The following DYNC2H1 variants were observed in gnomAD, a reference collection of about 807,000 sequenced individuals.
DYNC2H1 encodes cytoplasmic dynein 2 heavy chain 1.
DYNC2H1 carries 410 observed loss-of-function variants against 570.0 expected under a neutral mutation model. That is an observed-to-expected ratio of 0.72 (90% CI 0.66 to 0.78). The LOEUF is 0.78. DYNC2H1 is among the 30% of genes least tolerant of loss of function. DYNC2H1 has a pLI of 0.00. For missense variants in DYNC2H1, 4,865 were observed against 5,046.4 expected, an observed-to-expected ratio of 0.96 and a Z score of 1.09; for synonymous variants, 1,688 against 1,677.6, an observed-to-expected ratio of 1.01 and a Z score of -0.15.
intron 87 of DYNC2H1, among the ~76,000 whole-genome samples, chr11:103,466,964 A>G (rs1193132706): frequency 1.3e-5 from 2 of 152,182 alleles, no homozygotes; most frequent in Non-Finnish European, 2.9e-5. Flanking sequence ...TAATAATGGT[A>G]AACAGTTGGA....
chr11:103,368,543 AC>A (rs543286061), intron 83 of DYNC2H1, among the ~76,000 whole-genome samples: 122 of 151,652 alleles, frequency 8.0e-4, no homozygotes, highest in African/African-American at 2.9e-3. Context: ...CTGTAGGTTA[AC>A]TCTTCACTCT....
At chr11:103,248,206 G>A (rs139988032) in intron 65 of DYNC2H1, among the ~76,000 whole-genome samples, 1 of 152,038 alleles carries the variant, frequency 6.6e-6, no homozygotes. Flanking sequence ...TTTTAGATTT[G>A]CCTTTAATTA....
Position 103,177,329 on chromosome 11 carries a change from C to A in DYNC2H1, c.5875-227C>A, listed in dbSNP as rs1445822080. Among the ~76,000 whole-genome samples, 4 of 151,850 alleles carry A rather than the reference C, an allele frequency of 2.6e-5. No homozygotes were observed. The highest frequency in any genetic ancestry group is 5.9e-5 in the Non-Finnish European group (4 of 67,980). On this transcript the variant is annotated intron_variant, in intron 37 of 88. Coordinates refer to ENST00000375735, the MANE Select transcript of DYNC2H1 (RefSeq NM_001377.3). This position sits in a 1 kb window ranked among gnomAD's most constrained non-coding sequence, Gnocchi z 4.4. ...CATACAAGTTTTTTGAACTTGGAAA[C>A]CTGGAAAGCACCTTTGTTTCTTTTA...
At position 103,203,644 on chromosome 11, in the gene DYNC2H1, G is replaced by A. The variant is rs763893240; in HGVS notation, c.8198-19G>A. The stretch of plus-strand genomic sequence containing the variant: ...TCATTTATTAAAATGTTTTCAATTA[G>A]TCTAATATTTTTCTGTAGGTGAAGT... On this transcript the variant is annotated intron_variant, in intron 50 of 88. Transcript: ENST00000375735. The surrounding 1 kb of genome is among the most constrained non-coding windows in gnomAD (Gnocchi z 4.7). The A allele has an allele frequency of 2.7e-6, 4 of 1,467,838 alleles. No individual in the cohort carries two copies. Among genetic ancestry groups the A allele is most frequent in the South Asian group, 1.2e-5 (1 of 80,786 alleles). 90.9% of individuals were successfully genotyped at this position (1,467,838 alleles called of 1,614,324 possible).
intron 83 of DYNC2H1, among the ~76,000 whole-genome samples, chr11:103,390,482 A>G (rs1049886668): frequency 6.6e-6 from 1 of 152,116 alleles, no homozygotes; most frequent in Non-Finnish European, 1.5e-5. Flanking sequence ...TAATTGGAGC[A>G]TTTAGCCCAT....
At position 103,199,555 on chromosome 11, in the gene DYNC2H1, A is replaced by C. The variant is rs185750353; in HGVS notation, c.8088+79A>C. 1.5e-4 allele frequency: 194 copies of C among 1,318,036 alleles called. No homozygotes were observed. The Admixed American group carries it at 1.8e-3, about 12-fold the overall frequency. 81.6% of individuals were successfully genotyped at this position (1,318,036 alleles called of 1,614,324 possible). On this transcript the variant is annotated intron_variant, in intron 49 of 88. Coordinates refer to ENST00000375735, the MANE Select transcript of DYNC2H1 (RefSeq NM_001377.3). This position sits in a 1 kb window ranked among gnomAD's most constrained non-coding sequence, Gnocchi z 4.6. The stretch of plus-strand genomic sequence containing the variant: ...ACTCTAAACATCTTTAAAGACCTAA[A>C]GGTTTAAAGAACTAAAGTTTTAAAG...
intron 55 of DYNC2H1, among the ~76,000 whole-genome samples, chr11:103,217,955 A>C (rs1200725337): frequency 6.6e-6 from 1 of 152,212 alleles, no homozygotes; most frequent in African/African-American, 2.4e-5. Context: ...CAGTAAACAC[A>C]TGAAAATATG....
chr11:103,373,763 C>G (rs1476068857), intron 83 of DYNC2H1, among the ~76,000 whole-genome samples: 1 of 152,082 alleles, frequency 6.6e-6, no homozygotes, highest in Non-Finnish European at 1.5e-5. Flanking sequence ...GATGATCTGT[C>G]CATTGTTGAA....
At chr11:103,202,669 G>A (rs1366617318) in intron 50 of DYNC2H1, among the ~76,000 whole-genome samples, 2 of 152,040 alleles carry the variant, frequency 1.3e-5, no homozygotes, top group African/African-American at 4.8e-5. Context: ...AAGAAAAGTA[G>A]GGATCAGACT....
intron 85 of DYNC2H1, among the ~76,000 whole-genome samples, chr11:103,438,410 G>A (rs1367621881): frequency 1.3e-5 from 2 of 152,082 alleles, no homozygotes; most frequent in Non-Finnish European, 2.9e-5. Context: ...ACAAAGGATG[G>A]GAAACTGGGT....
intron 82 of DYNC2H1, among the ~76,000 whole-genome samples, chr11:103,343,103 T>C (rs1170672447): frequency 6.6e-6 from 1 of 152,120 alleles, no homozygotes; most frequent in African/African-American, 2.4e-5. Flanking sequence ...GTTGGGAGCA[T>C]TGGTTTGCCT....
intron 58 of DYNC2H1, among the ~76,000 whole-genome samples, chr11:103,222,616 A>T (rs967566120): frequency 6.6e-6 from 1 of 152,198 alleles, no homozygotes; most frequent in Non-Finnish European, 1.5e-5. Context: ...CTCTTATCTA[A>T]TAAAGATAAA....
At position 103,209,423 on chromosome 11, in the gene DYNC2H1, A is replaced by T. The variant is rs1348168942; in HGVS notation, c.8455-453A>T. ...CAGTGAGAATATACTTTTTAGAATG[A>T]TCAGTTATGAAATTATTGATTATAA... On this transcript the variant is annotated intron_variant, in intron 52 of 88. Transcript: ENST00000375735. The surrounding 1 kb of genome is among the most constrained non-coding windows in gnomAD (Gnocchi z 4.2). Among the ~76,000 whole-genome samples the T allele has an allele frequency of 2.6e-5, 4 of 151,968 alleles. No homozygotes were observed. Among genetic ancestry groups the T allele is most frequent in the Non-Finnish European group, 5.9e-5 (4 of 67,932 alleles).
At chr11:103,153,242 G>T (rs1260073291) in intron 21 of DYNC2H1, 61 bp from the exon 22 acceptor site, 2 of 1,393,534 alleles carry the variant, frequency 1.4e-6, no homozygotes, top group African/African-American at 1.5e-5. Flanking sequence ...AGAAAGAAAA[G>T]TATGAACCCA....
At position 103,479,319 on chromosome 11, in the gene DYNC2H1, C is replaced by T. The variant is rs1945671434; in HGVS notation, c.*66C>T. 3 of 1,531,888 alleles carry T rather than the reference C, an allele frequency of 2.0e-6. No homozygotes were observed. Among genetic ancestry groups the T allele is most frequent in the Non-Finnish European group, 2.6e-6 (3 of 1,134,584 alleles). 94.9% of individuals were successfully genotyped at this position (1,531,888 alleles called of 1,614,324 possible). On this transcript the variant is annotated 3_prime_UTR_variant, in exon 89 of 89. Transcript: ENST00000375735. ...TTGATTCTTTAAGCTTTAAATCAAA[C>T]ATGTGGTCAGTCTACATTTGAAATG...
intron 79 of DYNC2H1, among the ~76,000 whole-genome samples, chr11:103,314,455 A>G (rs1937695759): frequency 6.6e-6 from 1 of 152,064 alleles, no homozygotes; most frequent in South Asian, 2.1e-4. Context: ...GGGCATATAT[A>G]TTCTTTTCAA....
At chr11:103,364,699 T>C (rs1303270115) in intron 83 of DYNC2H1, among the ~76,000 whole-genome samples, 1 of 152,014 alleles carries the variant, frequency 6.6e-6, no homozygotes, top group Non-Finnish European at 1.5e-5. Context: ...ATTTGGTTTA[T>C]AAAATATCTG....
intron 60 of DYNC2H1, among the ~76,000 whole-genome samples, chr11:103,232,043 C>T (rs925976600): frequency 4.0e-5 from 6 of 151,890 alleles, no homozygotes; most frequent in African/African-American, 1.4e-4. Context: ...AAATAATTCA[C>T]ATCATTTTTT....
intron 84 of DYNC2H1, among the ~76,000 whole-genome samples, chr11:103,427,822 A>T (rs1173018931): frequency 6.6e-6 from 1 of 152,120 alleles, no homozygotes; most frequent in African/African-American, 2.4e-5. Flanking sequence ...CAACATATGC[A>T]TCTTGTGGGG....
Sources: allele counts gnomAD v4.1 joint callset (sites outside exome capture counted in the v4.1 genomes callset), GRCh38; gene constraint gnomAD v4.1.1; non-coding constraint Gnocchi (gnomAD v3.1); transcripts MANE v1.5; gene names NCBI Gene and HGNC (gene_info 2026-07-23, HGNC 2026-07-21).